Variants in ZNF385D observed in about 807,000 individuals in gnomAD.
ZNF385D encodes the protein zinc finger protein 659.
Under a neutral mutation model 35.8 loss-of-function variants are expected in ZNF385D, and 15 were observed. That is an observed-to-expected ratio of 0.42 (90% confidence interval 0.28 to 0.64). The LOEUF (loss-of-function observed/expected upper bound fraction) is 0.64, where lower values mean the gene tolerates loss of function less well. Among genes scored for constraint, ZNF385D ranks in the 30% least tolerant of loss-of-function variants. The pLI is 0.23. For synonymous variants in ZNF385D, 212 were observed against 186.8 expected (o/e 1.13, Z -1.10); for missense variants, 474 against 494.6 (o/e 0.96, Z 0.39).
intron 3 of ZNF385D, among the ~76,000 whole-genome samples, chr3:21,987,421 C>CT (rs1257212710): frequency 1.7e-5 from 2 of 116,892 alleles, no homozygotes; most frequent in Non-Finnish European, 3.3e-5. Context: ...TTCTCCTTCA[C>CT]TTATGAAGCT....
intron 3 of ZNF385D, among the ~76,000 whole-genome samples, chr3:21,810,095 A>C (rs2072844783): frequency 6.6e-6 from 1 of 152,184 alleles, no homozygotes; most frequent in Non-Finnish European, 1.5e-5. Flanking sequence ...ATAGACAAAT[A>C]CATTACAAGC....
chr3:21,607,449 T>G (rs1003800298), intron 2 of ZNF385D, among the ~76,000 whole-genome samples: 1 of 152,158 alleles, frequency 6.6e-6, no homozygotes, highest in Non-Finnish European at 1.5e-5. Context: ...ATATAACAAG[T>G]GTATACTCTT....
chr3:21,454,625 C>T (rs1190052220), intron 4 of ZNF385D, among the ~76,000 whole-genome samples: 3 of 152,070 alleles, frequency 2.0e-5, no homozygotes, highest in Non-Finnish European at 2.9e-5. Context: ...AAACCCACAG[C>T]CAATATCATA....
chr3:21,607,021 C>G (rs1034430953), intron 2 of ZNF385D, among the ~76,000 whole-genome samples: 2 of 152,156 alleles, frequency 1.3e-5, no homozygotes, highest in East Asian at 3.9e-4. Context: ...ATGCAGTCTC[C>G]TAATAACAAT....
At chr3:22,129,002 G>A (rs1233064497) in intron 3 of ZNF385D, among the ~76,000 whole-genome samples, 1 of 152,114 alleles carries the variant, frequency 6.6e-6, no homozygotes, top group Non-Finnish European at 1.5e-5. Context: ...ATTGAGTGTT[G>A]TGTTCTAAGT....
chr3:22,008,743 T>G (rs1325351578), intron 3 of ZNF385D, among the ~76,000 whole-genome samples: 1 of 151,924 alleles, frequency 6.6e-6, no homozygotes. Flanking sequence ...GTGAATATTT[T>G]TACACACACT....
At chr3:21,838,078 T>A (rs1346623759) in intron 3 of ZNF385D, among the ~76,000 whole-genome samples, 1 of 151,956 alleles carries the variant, frequency 6.6e-6, no homozygotes, top group Non-Finnish European at 1.5e-5. Flanking sequence ...ACATTAACAG[T>A]AGCAATCTTA....
intron 3 of ZNF385D, among the ~76,000 whole-genome samples, chr3:21,761,761 C>CT (rs11328256): frequency 6.6e-6 from 1 of 151,660 alleles, no homozygotes; most frequent in Non-Finnish European, 1.5e-5. Flanking sequence ...TGGATTCTTC[C>CT]TTTTTTTTCT....
Position 22,335,795 on chromosome 3 carries a change from C to CA in ZNF385D, c.106+36654dup. ...TTCTATTATACACATACTTCTTTAC[C>CA]AAAAAAATTAATTTTAAAATATTAA... On this transcript the variant is annotated intron_variant, in intron 2 of 5. Transcript: ENST00000494108. Among the ~76,000 whole-genome samples, 2 of 151,974 alleles carry CA rather than the reference C, an allele frequency of 1.3e-5. 1 individual carries two copies. The highest frequency in any genetic ancestry group is 4.8e-5 in the African/African-American group (2 of 41,498).
intron 2 of ZNF385D, among the ~76,000 whole-genome samples, chr3:22,241,227 A>C (rs1013680571): frequency 6.0e-5 from 9 of 151,236 alleles, no homozygotes; most frequent in Admixed American, 2.0e-4. Flanking sequence ...CTGAAAAACC[A>C]AGCACAACAC....
At chr3:22,275,662 T>C (rs1701389788) in intron 2 of ZNF385D, among the ~76,000 whole-genome samples, 2 of 152,178 alleles carry the variant, frequency 1.3e-5, no homozygotes, top group Admixed American at 6.5e-5. Context: ...CCAATAATCA[T>C]ATTTTTATCA....
chr3:21,728,892 C>T (rs940313679), intron 1 of ZNF385D, among the ~76,000 whole-genome samples: 1 of 152,128 alleles, frequency 6.6e-6, no homozygotes, highest in Non-Finnish European at 1.5e-5. Flanking sequence ...CTGGCGCTTC[C>T]TAAGAAAATG....
intron 2 of ZNF385D, among the ~76,000 whole-genome samples, chr3:22,235,457 T>C (rs928089865): frequency 2.6e-5 from 4 of 152,062 alleles, no homozygotes; most frequent in African/African-American, 9.7e-5. Flanking sequence ...GAAAGATCAA[T>C]AGAACTAAAA....
intron 3 of ZNF385D, among the ~76,000 whole-genome samples, chr3:21,550,881 T>C (rs1333800772): frequency 6.6e-6 from 1 of 152,232 alleles, no homozygotes; most frequent in Non-Finnish European, 1.5e-5. Context: ...AGCAATGTTA[T>C]GCTCTCATGA....
At chr3:21,540,684 A>G (rs561719052) in intron 3 of ZNF385D, among the ~76,000 whole-genome samples, 1 of 152,216 alleles carries the variant, frequency 6.6e-6, no homozygotes, top group South Asian at 2.1e-4. Context: ...CCATACGTCA[A>G]TCTCCACAGA....
chr3:21,970,905 G>A (rs1422528987), intron 3 of ZNF385D, among the ~76,000 whole-genome samples: 2 of 151,834 alleles, frequency 1.3e-5, no homozygotes, highest in African/African-American at 4.8e-5. Context: ...GGAGAGAGTG[G>A]CAGGGCATAT....
At chr3:22,365,669 G>A (rs1334209492) in intron 2 of ZNF385D, among the ~76,000 whole-genome samples, 1 of 152,014 alleles carries the variant, frequency 6.6e-6, no homozygotes, top group Non-Finnish European at 1.5e-5. Flanking sequence ...AACAAGAATG[G>A]TTATTACTAA....
chr3:21,910,351 C>T (rs1350433947), intron 3 of ZNF385D, among the ~76,000 whole-genome samples: 2 of 151,998 alleles, frequency 1.3e-5, no homozygotes, highest in East Asian at 3.9e-4. Context: ...TCCTTAAAAG[C>T]TAATAAAAAT....
At chr3:21,906,843 T>C (rs1480086340) in intron 3 of ZNF385D, among the ~76,000 whole-genome samples, 4 of 152,168 alleles carry the variant, frequency 2.6e-5, no homozygotes, top group African/African-American at 9.7e-5. Context: ...CACTTCAAGG[T>C]CTTGCATTCA....
Sources: gnomAD v4.1 joint callset for allele counts (sites outside exome capture counted in the v4.1 genomes callset) on GRCh38, gnomAD v4.1.1 for gene constraint, MANE v1.5 for transcripts, NCBI Gene and HGNC (gene_info 2026-07-23, HGNC 2026-07-21) for gene names.